Variants in FSD1 observed in about 807,000 individuals in gnomAD.
FSD1 encodes the protein fibronectin type III and SPRY domain containing 1, also known as fibronectin type III and SPRY domain-containing protein 1.
In FSD1, 23 loss-of-function variants were observed where a neutral mutation model predicts 58.2. The observed-to-expected ratio is 0.40, with a 90% CI of 0.28 to 0.56. The LOEUF (loss-of-function observed/expected upper bound fraction) is 0.56, where lower values mean the gene tolerates loss of function less well. Among genes scored for constraint, FSD1 ranks in the 20% least tolerant of loss-of-function variants. The pLI is 0.54. For synonymous variants in FSD1, 265 were observed against 263.4 expected (o/e 1.01, Z -0.06); for missense variants, 563 against 670.8 (o/e 0.84, Z 1.78).
At chr19:4,310,380 A>G (rs551706022) in intron 5 of FSD1, 85 bp downstream of exon 5, 2 of 1,609,832 alleles carry the variant, frequency 1.2e-6, no homozygotes, top group Admixed American at 3.3e-5. Context: ...GTCTCATCTC[A>G]GAGCCCTGGA....
rs1457643193 is a variant in FSD1, at chr19:4,311,799, C to T, written c.491-43C>T. ...GCAGCAAGCCCCCTGCCCCCTGAAC[C>T]AGGCACAGAATCCCGACCCCCTCTC... On this transcript the variant is annotated intron_variant, in intron 6 of 12. Transcript: ENST00000221856. 4.4e-6 allele frequency: 7 copies of T among 1,592,814 alleles called. No individual in the cohort carries two copies. In the Admixed American group the frequency reaches 5.0e-5, roughly 11 times the overall value.
At chr19:4,305,095 C>T (rs1971603147) in intron 1 of FSD1, among the ~76,000 whole-genome samples, 1 of 135,982 alleles carries the variant, frequency 7.4e-6, no homozygotes, top group Admixed American at 7.4e-5. Flanking sequence ...CTGGAAGACG[C>T]CCCGCCAGCT....
At chr19:4,319,014 G>A in intron 10 of FSD1, 63 bp downstream of exon 10, 1 of 1,318,048 alleles carries the variant, frequency 7.6e-7, no homozygotes, top group African/African-American at 1.4e-5. Context: ...GGTGGGGGTT[G>A]AGGGAGAACC....
chr19:4,308,015 C>T, intron 4 of FSD1, 32 bp downstream of exon 4: 2 of 1,513,588 alleles, frequency 1.3e-6, no homozygotes, highest in Middle Eastern at 1.7e-4. Flanking sequence ...AGGTAAAGAA[C>T]AGTGTGCCCA....
chr19:4,315,918 C>T (rs528457935), intron 7 of FSD1, among the ~76,000 whole-genome samples: 119 of 152,022 alleles, frequency 7.8e-4, no homozygotes, highest in Middle Eastern at 3.4e-3. Flanking sequence ...TGTGAGCCAC[C>T]GCGCCTAGCC....
intron 6 of FSD1, chr19:4,311,612 A>G (rs1045703087): frequency 6.1e-6 from 3 of 489,934 alleles, no homozygotes; most frequent in African/African-American, 3.9e-5. Context: ...TGAACCAGGG[A>G]GTCGGAGGTT....
chr19:4,316,252 C>CG (rs1338976420), intron 7 of FSD1, among the ~76,000 whole-genome samples: 3 of 151,958 alleles, frequency 2.0e-5, no homozygotes, highest in African/African-American at 7.3e-5. Context: ...GTCAGAGTTT[C>CG]GCTCTGTCAC....
At position 4,306,412 on chromosome 19, in the gene FSD1, C is replaced by G. The variant is rs989391014; in HGVS notation, c.243+83C>G. 5.5e-5 allele frequency: 80 copies of G among 1,450,936 alleles called. 1 individual carries two copies. In the Admixed American group the frequency reaches 1.4e-3, roughly 26 times the overall value. 89.9% of individuals were successfully genotyped at this position (1,450,936 alleles called of 1,614,324 possible). A position where few individuals can be genotyped will look rare whatever the true frequency, so the allele number is the denominator to read the frequency against. On this transcript the variant is annotated intron_variant, in intron 3 of 12. Transcript: ENST00000221856. ...TGACCTCGGCACCTTCCTCCAAAAA[C>G]TGGGTGCTCTCGAGTTTCTGATCTC... is the stretch of plus-strand genomic sequence containing the variant.
intron 4 of FSD1, 118 bp downstream of exon 4, chr19:4,308,101 T>G: frequency 1.4e-6 from 1 of 739,276 alleles, no homozygotes; most frequent in South Asian, 1.8e-5. Flanking sequence ...TTGGCAAAAG[T>G]ACATACTGAT....
At chr19:4,310,762 A>G (rs559591315) in intron 6 of FSD1, 166 bp downstream of exon 6, 5 of 703,784 alleles carry the variant, frequency 7.1e-6, no homozygotes, top group Admixed American at 3.0e-5. Flanking sequence ...TGGAGTTCTC[A>G]TGGAGCCCCG....
In FSD1 at chr19:4,323,820, A is replaced by G. The variant is rs1568383481; in HGVS notation, c.*177A>G. ...CCCTCTCCCCACCTCACCTCTTAAT[A>G]AAGGTCAGACACTGGCCAGGCGAGG... is the stretch of plus-strand genomic sequence containing the variant. On this transcript the variant is annotated 3_prime_UTR_variant, in exon 13 of 13. Coordinates refer to ENST00000221856, the MANE Select transcript of FSD1 (RefSeq NM_024333.3). The surrounding 1 kb of genome is among the most constrained non-coding windows in gnomAD (Gnocchi z 7.7). 2 of 614,668 alleles carry G rather than the reference A, an allele frequency of 3.3e-6. No homozygotes were observed. The highest frequency in any genetic ancestry group is 5.7e-6 in the Non-Finnish European group (2 of 349,384). The allele number at this position is 614,668 out of a possible 1,614,324, so 38.1% of individuals were successfully genotyped here.
intron 10 of FSD1, among the ~76,000 whole-genome samples, chr19:4,322,373 C>G (rs1246145665): frequency 6.6e-6 from 1 of 150,926 alleles, no homozygotes; most frequent in African/African-American, 2.4e-5. Context: ...CGAGGAGTAT[C>G]TGGGAGGAAT....
At chr19:4,314,433 G>A (rs1971730301) in intron 7 of FSD1, among the ~76,000 whole-genome samples, 1 of 151,014 alleles carries the variant, frequency 6.6e-6, no homozygotes. Context: ...GAGGACCCAT[G>A]TAGTCAGCAT....
intron 4 of FSD1, 77 bp from the exon 5 acceptor site, chr19:4,310,196 G>A (rs1480321755): frequency 1.3e-6 from 2 of 1,549,460 alleles, no homozygotes; most frequent in African/African-American, 1.4e-5. Flanking sequence ...CTGCAATCCA[G>A]CCTGGGCAAC....
At chr19:4,310,441 C>A in intron 5 of FSD1, 34 bp from the exon 6 acceptor site, 1 of 1,606,010 alleles carries the variant, frequency 6.2e-7, no homozygotes, top group South Asian at 1.1e-5. Context: ...CAGGCCTGGT[C>A]CCCCACGCAA....
chr19:4,306,077 G>A, intron 2 of FSD1, 36 bp downstream of exon 2: 1 of 1,605,848 alleles, frequency 6.2e-7, no homozygotes, highest in East Asian at 2.2e-5. Context: ...GAGGTAAGGG[G>A]AGGGGAGGAA....
chr19:4,311,974 A>C lies in FSD1; in HGVS notation c.623A>C (p.Glu208Ala), dbSNP rs371650125. The C allele has an allele frequency of 3.2e-5, 52 of 1,607,250 alleles. No homozygotes were observed. Among genetic ancestry groups the C allele is most frequent in the Non-Finnish European group, 4.2e-6 (5 of 1,179,424 alleles). The change falls in exon 7 of 13, where the codon GAG becomes GCG. Residue 208 changes from glutamate to alanine, a missense_variant. Glu to Ala is a moderately radical substitution (Grantham distance 107). Coordinates refer to ENST00000221856, the MANE Select transcript of FSD1 (RefSeq NM_024333.3). ...YVLEYRRTNF[E>A]GPPRLKEDQP... ...CTGGAGTACCGGCGGACCAACTTCG[A>C]GGGCCCGCCCCGCCTCAAGGAGGAC...
chr19:4,313,583 T>C (rs538028106), intron 7 of FSD1, among the ~76,000 whole-genome samples: 1 of 151,076 alleles, frequency 6.6e-6, no homozygotes, highest in Non-Finnish European at 1.5e-5. Context: ...CTGGGTGTGG[T>C]GGCGGGCGCC....
intron 6 of FSD1, 72 bp downstream of exon 6, chr19:4,310,668 G>C: frequency 6.5e-7 from 1 of 1,541,110 alleles, no homozygotes; most frequent in Non-Finnish European, 8.8e-7. Context: ...CCCTGAAACA[G>C]GACCTGGAGT....
Sources: gnomAD v4.1 joint callset for allele counts (sites outside exome capture counted in the v4.1 genomes callset) on GRCh38, gnomAD v4.1.1 for gene constraint, Gnocchi (gnomAD v3.1) non-coding constraint, MANE v1.5 for transcripts, NCBI Gene and HGNC (gene_info 2026-07-23, HGNC 2026-07-21) for gene names.